Variants in MYO5A observed in about 807,000 individuals in gnomAD.
MYO5A encodes the protein unconventional myosin-Va.
MYO5A carries 98 observed loss-of-function variants against 249.7 expected under a neutral mutation model. That is an observed-to-expected ratio of 0.39 (90% CI 0.33 to 0.46). The LOEUF is 0.46. Among genes scored for constraint, MYO5A ranks in the 20% least tolerant of loss-of-function variants. The probability of loss-of-function intolerance (pLI) is 0.98; values close to 1 mark genes in which losing one functional copy is unlikely to be tolerated. For missense variants in MYO5A, 1,696 were observed against 2,308.8 expected, an observed-to-expected ratio of 0.73 and a Z score of 5.44; for synonymous variants, 778 against 810.6, an observed-to-expected ratio of 0.96 and a Z score of 0.68.
chr15:52,314,341 G>A (rs2037889843), intron 40 of MYO5A, 138 bp from the exon 41 acceptor site: 1 of 685,054 alleles, frequency 1.5e-6, no homozygotes, highest in Non-Finnish European at 2.7e-6. Context: ...GAAGGAAGGA[G>A]GAGCTGGTCT....
At chr15:52,526,151 C>T (rs1386511214) in intron 1 of MYO5A, among the ~76,000 whole-genome samples, 1 of 152,092 alleles carries the variant, frequency 6.6e-6, no homozygotes, top group Non-Finnish European at 1.5e-5. Context: ...GATCTCTAAG[C>T]CAGTCTGTCT....
At chr15:52,320,267 C>T (rs1192795227) in intron 38 of MYO5A, among the ~76,000 whole-genome samples, 1 of 152,200 alleles carries the variant, frequency 6.6e-6, no homozygotes, top group Admixed American at 6.5e-5. Flanking sequence ...TGACAGCAAG[C>T]CCCTTGAGAG....
intron 24 of MYO5A, among the ~76,000 whole-genome samples, chr15:52,362,236 T>C (rs2040568390): frequency 6.6e-6 from 1 of 152,206 alleles, no homozygotes; most frequent in Non-Finnish European, 1.5e-5. Flanking sequence ...AGGCAGTGTA[T>C]CAAGTCCCCT....
At chr15:52,314,063 A>G in intron 41 of MYO5A, 60 bp downstream of exon 41, 1 of 1,433,226 alleles carries the variant, frequency 7.0e-7, no homozygotes, top group South Asian at 1.2e-5. Context: ...TCAATAAATT[A>G]CAAAATGTCC....
chr15:52,491,077 T>C (rs989919754), intron 1 of MYO5A, among the ~76,000 whole-genome samples: 15 of 152,202 alleles, frequency 9.9e-5, no homozygotes, highest in African/African-American at 3.6e-4. Flanking sequence ...TTACACATGG[T>C]TAAGATGGTT....
At chr15:52,430,281 A>G (rs531236176) in intron 2 of MYO5A, among the ~76,000 whole-genome samples, 37 of 152,328 alleles carry the variant, frequency 2.4e-4, no homozygotes, top group Middle Eastern at 3.4e-3. Context: ...CCAGAATGGC[A>G]GAAGGGCAAC....
At chr15:52,525,984 T>C (rs1042574208) in intron 1 of MYO5A, among the ~76,000 whole-genome samples, 2 of 152,202 alleles carry the variant, frequency 1.3e-5, no homozygotes, top group African/African-American at 4.8e-5. Context: ...TTAAGCAAAG[T>C]ACCTGGCACA....
chr15:52,365,935 G>C (rs2040784974), intron 23 of MYO5A, among the ~76,000 whole-genome samples: 1 of 152,090 alleles, frequency 6.6e-6, no homozygotes, highest in Non-Finnish European at 1.5e-5. Flanking sequence ...CTTCTTTCCA[G>C]GGCTCTGTTT....
intron 41 of MYO5A, 111 bp from the exon 42 acceptor site, chr15:52,313,959 T>C: frequency 7.0e-7 from 1 of 1,437,176 alleles, no homozygotes. Flanking sequence ...GAATGTTTAC[T>C]TTTGTTTTAA....
Position 52,425,823 on chromosome 15 carries a change from T to C in MYO5A, c.455+7A>G, listed in dbSNP as rs1475689109. 3.0e-5 allele frequency: 48 copies of C among 1,613,760 alleles called. No individual in the cohort carries two copies. Among genetic ancestry groups the C allele is most frequent in the Non-Finnish European group, 3.9e-5 (46 of 1,179,858 alleles). On this transcript the variant is annotated splice_region_variant and intron_variant, in intron 4 of 41. Coordinates refer to ENST00000399233, the MANE Select transcript of MYO5A (RefSeq NM_001382347.1). Reference sequence around the variant, plus strand: ...GCCATAAAATAACAATGAAAGCTTCTACCAACCTGGCCATTTGCTTGTAAG... The same window carrying C: ...GCCATAAAATAACAATGAAAGCTTCCACCAACCTGGCCATTTGCTTGTAAG...
At chr15:52,441,838 T>A (rs2075791610) in intron 1 of MYO5A, among the ~76,000 whole-genome samples, 2 of 152,234 alleles carry the variant, frequency 1.3e-5, no homozygotes, top group South Asian at 4.1e-4. Flanking sequence ...TGTATCTTTT[T>A]CAACTTTGTC....
chr15:52,356,943 T>A (rs796981948), intron 25 of MYO5A, among the ~76,000 whole-genome samples: 1 of 151,952 alleles, frequency 6.6e-6, no homozygotes, highest in Admixed American at 6.6e-5. Flanking sequence ...TAGGCATTTA[T>A]AGGCTGTCAA....
At position 52,309,800 on chromosome 15, in the gene MYO5A, G is replaced by A. The variant is rs1047593963; in HGVS notation, c.*3896C>T. ...AGCTGACATTACCCAGAGGATCCTT[G>A]ACTATGCCTGCTAAGGAACTCTATG... is the stretch of plus-strand genomic sequence containing the variant. On this transcript the variant is annotated 3_prime_UTR_variant, in exon 42 of 42. Transcript: ENST00000399233. 6.6e-6 allele frequency: 1 copy of A among 152,166 alleles called. No individual in the cohort carries two copies. The highest frequency in any genetic ancestry group is 1.5e-5 in the Non-Finnish European group (1 of 68,070). 9.4% of individuals were successfully genotyped at this position (152,166 alleles called of 1,614,324 possible). A position where few individuals can be genotyped will look rare whatever the true frequency, so the allele number is the denominator to read the frequency against.
chr15:52,491,945 A>G (rs1171483288), intron 1 of MYO5A, among the ~76,000 whole-genome samples: 1 of 152,244 alleles, frequency 6.6e-6, no homozygotes, highest in Non-Finnish European at 1.5e-5. Context: ...GTACGAACCT[A>G]TAGCTTGAGA....
At chr15:52,316,424 C>A (rs1390617806) in intron 40 of MYO5A, among the ~76,000 whole-genome samples, 1 of 152,166 alleles carries the variant, frequency 6.6e-6, no homozygotes, top group African/African-American at 2.4e-5. Context: ...TCCCTGAATA[C>A]TGCTATCTTC....
At position 52,505,650 on chromosome 15, in the gene MYO5A, T is replaced by C. The variant is rs557343438; in HGVS notation, c.27+23130A>G. The C allele has an allele frequency of 1.5e-5, 19 of 1,272,702 alleles. No homozygotes were observed. The East Asian group carries it at 4.2e-4, about 28-fold the overall frequency. 78.8% of individuals were successfully genotyped at this position (1,272,702 alleles called of 1,614,324 possible). ...TGAAATCTTGGGATGATGAGACAGA[T>C]ATGGCGAAATTAGAGGGCGTCAGAA... is the stretch of plus-strand genomic sequence containing the variant. On this transcript the variant is annotated intron_variant, in intron 1 of 41. Transcript: ENST00000399233.
Position 52,327,971 on chromosome 15 carries a change from G to C in MYO5A, c.4591C>G (p.Pro1531Ala), listed in dbSNP as rs2038687080. Residue 1531 changes from proline to alanine, a missense_variant, in exon 36 of 42, where the codon CCA (proline) becomes GCA (alanine). By Grantham distance (27) the Pro-to-Ala change is conservative. Coordinates refer to ENST00000399233, the MANE Select transcript of MYO5A (RefSeq NM_001382347.1). ...AACAGGATATATGCCGGTAATCCTGGAATCAAATTGACTGCTACACCACGT... is the reference window on the plus strand; with the variant it reads ...AACAGGATATATGCCGGTAATCCTGCAATCAAATTGACTGCTACACCACGT... Reference protein sequence around the residue: ...KPRGVAVNLIPGLPAYILFMC... With the variant: ...KPRGVAVNLIAGLPAYILFMC... 1 of 1,613,370 alleles carries C rather than the reference G, an allele frequency of 6.2e-7. No individual in the cohort carries two copies.
At chr15:52,458,617 CAA>C in intron 1 of MYO5A, among the ~76,000 whole-genome samples, 1 of 139,590 alleles carries the variant, frequency 7.2e-6, no homozygotes, top group African/African-American at 2.6e-5. Context: ...GATTCTGTCT[CAA>C]AAAAAAAAGA....
At position 52,323,094 on chromosome 15, in the gene MYO5A, A is replaced by G. The variant is rs7164722; in HGVS notation, c.4800+261T>C. On this transcript the variant is annotated intron_variant, in intron 37 of 41. Transcript: ENST00000399233. ...AATGCCCACTAAAACATACTGACAA[A>G]AAGTTTTACTTCTGGTAACTATTCA... 0.05 allele frequency among the ~76,000 whole-genome samples: 7,595 copies of G among 152,258 alleles called. 541 individuals are homozygous for G. Among genetic ancestry groups the G allele is most frequent in the African/African-American group, 0.16 (6,700 of 41,530 alleles).
Sources: gnomAD v4.1 joint callset for allele counts (sites outside exome capture counted in the v4.1 genomes callset) on GRCh38, gnomAD v4.1.1 for gene constraint, MANE v1.5 for transcripts, NCBI Gene and HGNC (gene_info 2026-07-23, HGNC 2026-07-21) for gene names.